The following TYW1B variants were observed in gnomAD, a reference collection of about 807,000 sequenced individuals.
The protein encoded by TYW1B is S-adenosyl-L-methionine-dependent tRNA 4-demethylwyosine synthase TYW1B.
In TYW1B, 73 loss-of-function variants were observed where a neutral mutation model predicts 86.9. The observed-to-expected ratio is 0.84, with a 90% CI of 0.70 to 1.02. The LOEUF (loss-of-function observed/expected upper bound fraction) is 1.02, where lower values mean the gene tolerates loss of function less well. TYW1B is among the 50% of genes least tolerant of loss of function. TYW1B has a pLI of 0.00. For synonymous variants in TYW1B, 248 were observed against 292.8 expected (o/e 0.85, Z 1.56); for missense variants, 637 against 827.4 (o/e 0.77, Z 2.82).
At chr7:72,785,832 G>A (rs1179497051) in intron 6 of TYW1B, among the ~76,000 whole-genome samples, 1 of 152,162 alleles carries the variant, frequency 6.6e-6, no homozygotes, top group Non-Finnish European at 1.5e-5. Context: ...GCCAGAAAAA[G>A]CCAGGCTTAG....
chr7:72,754,857 T>A (rs1380892583), intron 7 of TYW1B, among the ~76,000 whole-genome samples: 1 of 152,194 alleles, frequency 6.6e-6, no homozygotes, highest in Non-Finnish European at 1.5e-5. Flanking sequence ...ACATAATATT[T>A]AATATAAAGG....
intron 6 of TYW1B, among the ~76,000 whole-genome samples, chr7:72,799,312 C>G (rs778416839): frequency 6.6e-6 from 1 of 151,144 alleles, no homozygotes; most frequent in Non-Finnish European, 1.5e-5. Context: ...GTTTGCGCCA[C>G]TATGCCCGGC....
At chr7:72,709,465 G>C (rs1444877530) in intron 10 of TYW1B, among the ~76,000 whole-genome samples, 1 of 67,586 alleles carries the variant, frequency 1.5e-5, no homozygotes, top group Non-Finnish European at 3.1e-5. Context: ...TCAGGAGATC[G>C]AGACCATCCT....
chr7:72,811,517 G>C (rs1227303509), intron 3 of TYW1B, among the ~76,000 whole-genome samples: 1 of 151,908 alleles, frequency 6.6e-6, no homozygotes, highest in African/African-American at 2.4e-5. Flanking sequence ...TTTGGTGTTT[G>C]AGATTGTTTT....
intron 4 of TYW1B, among the ~76,000 whole-genome samples, chr7:72,808,529 C>CT (rs66804350): frequency 0.081 from 11,286 of 138,518 alleles, 918 homozygotes; most frequent in East Asian, 0.33. Flanking sequence ...TTTTATTTTA[C>CT]TTTTTTTTTT....
At chr7:72,584,077 T>TC (rs1314070628) in intron 13 of TYW1B, among the ~76,000 whole-genome samples, 1 of 152,202 alleles carries the variant, frequency 6.6e-6, no homozygotes, top group Non-Finnish European at 1.5e-5. Context: ...GACAGGGTCT[T>TC]CCTCTGTCGC....
rs535235162 is a variant in TYW1B at position 72,738,779 on chromosome 7, C to T, written c.1082+5705G>A. On this transcript the variant is annotated intron_variant, in intron 8 of 13. Coordinates refer to ENST00000620995, the MANE Select transcript of TYW1B (RefSeq NM_001145440.3). ...CTCTAGATAACTAAAAGAGGAAATACATGTAAAAGAATATGGTATAGTAGC... is the reference window on the plus strand; with the variant it reads ...CTCTAGATAACTAAAAGAGGAAATATATGTAAAAGAATATGGTATAGTAGC... 5.9e-5 allele frequency among the ~76,000 whole-genome samples: 9 copies of T among 152,156 alleles called. No individual in the cohort carries two copies. In the South Asian group the frequency reaches 1.0e-3, roughly 18 times the overall value.
At position 72,667,477 on chromosome 7, in the gene TYW1B, G is replaced by A. The variant is rs1368213521; in HGVS notation, c.1506+27210C>T. 4.6e-5 allele frequency among the ~76,000 whole-genome samples: 7 copies of A among 152,162 alleles called. No individual in the cohort carries two copies. In the South Asian group the frequency reaches 1.2e-3, roughly 27 times the overall value. ...CGCCTGCAATCTCAGCACTTTGGGAGGCCAACCCGGGCAGATAGCTTCAGC... is the reference window on the plus strand; with the variant it reads ...CGCCTGCAATCTCAGCACTTTGGGAAGCCAACCCGGGCAGATAGCTTCAGC... On this transcript the variant is annotated intron_variant, in intron 11 of 13. Coordinates refer to ENST00000620995, the MANE Select transcript of TYW1B (RefSeq NM_001145440.3).
At chr7:72,728,676 T>C (rs1298312813) in intron 9 of TYW1B, 146 bp downstream of exon 9, 17 of 790,838 alleles carry the variant, frequency 2.1e-5, no homozygotes, top group African/African-American at 3.5e-5. Flanking sequence ...AGGCAAAATA[T>C]ATATAATATT....
intron 9 of TYW1B, among the ~76,000 whole-genome samples, chr7:72,718,703 T>G (rs1304831885): frequency 6.6e-6 from 1 of 152,242 alleles, no homozygotes; most frequent in Non-Finnish European, 1.5e-5. Context: ...AATTTGATCC[T>G]TAAGCTCATT....
In TYW1B at chr7:72,656,464, C is replaced by T. The variant is rs148466756; in HGVS notation, c.1507-27467G>A. On this transcript the variant is annotated intron_variant, in intron 11 of 13. Coordinates refer to ENST00000620995, the MANE Select transcript of TYW1B (RefSeq NM_001145440.3). ...GCACCACTATAAAAGAATACTTAGC[C>T]GGGCTCAGTGGCTCATGCCTATAAT... is the stretch of plus-strand genomic sequence containing the variant. Among the ~76,000 whole-genome samples, 464 of 152,180 alleles carry T rather than the reference C, an allele frequency of 3.0e-3. 1 individual carries two copies. The highest frequency in any genetic ancestry group is 0.011 in the African/African-American group (450 of 41,518).
At chr7:72,622,600 G>A (rs749648360) in intron 12 of TYW1B, among the ~76,000 whole-genome samples, 1 of 151,874 alleles carries the variant, frequency 6.6e-6, no homozygotes, top group Non-Finnish European at 1.5e-5. Context: ...CCCCAGATCT[G>A]ACACGCACAC....
intron 9 of TYW1B, among the ~76,000 whole-genome samples, chr7:72,719,562 C>T (rs1554456917): frequency 4.8e-5 from 6 of 125,236 alleles, no homozygotes; most frequent in African/African-American, 3.1e-5. Context: ...ACCCAGGAGG[C>T]GGAGGTTGCA....
chr7:72,655,618 C>T (rs1813182745), intron 11 of TYW1B, among the ~76,000 whole-genome samples: 1 of 152,136 alleles, frequency 6.6e-6, no homozygotes, highest in Admixed American at 6.5e-5. Flanking sequence ...AAACAGATGG[C>T]CAACACACCA....
chr7:72,652,567 G>T (rs2844165), intron 11 of TYW1B, among the ~76,000 whole-genome samples: 26,549 of 149,756 alleles, frequency 0.18, 2,747 homozygotes, highest in East Asian at 0.56. Context: ...CTTTGGAGGT[G>T]GGGGATGACA....
At chr7:72,648,544 GAAAAA>G (rs1171338007) in intron 11 of TYW1B, among the ~76,000 whole-genome samples, 5 of 75,200 alleles carry the variant, frequency 6.6e-5, no homozygotes, top group African/African-American at 2.3e-4. Flanking sequence ...CTCTGTCTCA[GAAAAA>G]AAAAAAAAAA....
Position 72,752,623 on chromosome 7 carries a change from C to T in TYW1B, c.965-8022G>A, listed in dbSNP as rs187264096. Among the ~76,000 whole-genome samples, 33 of 152,002 alleles carry T rather than the reference C, an allele frequency of 2.2e-4. No homozygotes were observed. The East Asian group carries it at 4.6e-3, about 21-fold the overall frequency. On this transcript the variant is annotated intron_variant, in intron 7 of 13. Coordinates refer to ENST00000620995, the MANE Select transcript of TYW1B (RefSeq NM_001145440.3). The stretch of plus-strand genomic sequence containing the variant: ...GCAGGAGCGTGTAATCCCAGCTACT[C>T]GGGAGGCTGAGGCAGGAGAATCTCT...
intron 13 of TYW1B, among the ~76,000 whole-genome samples, chr7:72,586,548 C>A (rs1486882959): frequency 1.3e-5 from 2 of 152,088 alleles, no homozygotes; most frequent in Non-Finnish European, 2.9e-5. Context: ...ACCAGCCTGG[C>A]CAACATGGTG....
At chr7:72,642,846 A>G (rs1397517600) in intron 11 of TYW1B, among the ~76,000 whole-genome samples, 3 of 152,222 alleles carry the variant, frequency 2.0e-5, no homozygotes, top group Non-Finnish European at 4.4e-5. Flanking sequence ...AGTTGCAGTG[A>G]GCCAAGATCA....
Sources: allele counts gnomAD v4.1 joint callset (sites outside exome capture counted in the v4.1 genomes callset), GRCh38; gene constraint gnomAD v4.1.1; transcripts MANE v1.5; gene names NCBI Gene and HGNC (gene_info 2026-07-23, HGNC 2026-07-21).